SLC28A1: variants seen among roughly 807,000 people sequenced by gnomAD.
SLC28A1 encodes the protein solute carrier family 28 member 1.
In SLC28A1, 64 loss-of-function variants were observed where a neutral mutation model predicts 74.8. That is an observed-to-expected ratio of 0.86 (90% CI 0.70 to 1.05). The LOEUF (loss-of-function observed/expected upper bound fraction) is 1.05. SLC28A1 is among the 50% of genes least tolerant of loss of function. SLC28A1 has a pLI of 0.00. For synonymous variants in SLC28A1, 359 were observed against 335.0 expected, an observed-to-expected ratio of 1.07 and a Z score of -0.78; for missense variants, 828 against 822.8, an observed-to-expected ratio of 1.01 and a Z score of -0.08.
intron 9 of SLC28A1, among the ~76,000 whole-genome samples, chr15:84,915,234 C>T (rs1215880711): frequency 6.6e-6 from 1 of 152,164 alleles, no homozygotes; most frequent in Non-Finnish European, 1.5e-5. Flanking sequence ...GTGACTTCCC[C>T]ACCACAGGGA....
At chr15:84,922,111 AC>A (rs1567163155) in intron 11 of SLC28A1, among the ~76,000 whole-genome samples, 1 of 152,034 alleles carries the variant, frequency 6.6e-6, no homozygotes, top group Non-Finnish European at 1.5e-5. Context: ...GAACCTCTCT[AC>A]TTGTGGCAGG....
chr15:84,923,390 T>G (rs1279766399), intron 11 of SLC28A1, among the ~76,000 whole-genome samples: 3 of 150,950 alleles, frequency 2.0e-5, no homozygotes, highest in African/African-American at 7.4e-5. Context: ...ATAAGCCCTA[T>G]GAAGGCAGGG....
chr15:84,889,925 T>G (rs1216628001), intron 4 of SLC28A1, among the ~76,000 whole-genome samples: 2 of 151,486 alleles, frequency 1.3e-5, no homozygotes, highest in South Asian at 4.2e-4. Flanking sequence ...CACGAACCCT[T>G]CCTGGGCTCA....
chr15:84,893,699 T>C (rs1324395600), intron 5 of SLC28A1, among the ~76,000 whole-genome samples: 7 of 152,068 alleles, frequency 4.6e-5, no homozygotes, highest in Non-Finnish European at 1.0e-4. Context: ...CTCATTCTGG[T>C]CTCCCGCCTC....
chr15:84,901,145 G>A (rs1013755838), intron 6 of SLC28A1, among the ~76,000 whole-genome samples: 8 of 152,074 alleles, frequency 5.3e-5, no homozygotes, highest in Non-Finnish European at 1.2e-4. Flanking sequence ...TCGCTTGAAC[G>A]TGGGAGGCAG....
Position 84,935,402 on chromosome 15 carries a change from C to G in SLC28A1, c.1465C>G (p.Leu489Val), listed in dbSNP as rs1247236891. The G allele has an allele frequency of 1.9e-6, 3 of 1,614,226 alleles. No individual in the cohort carries two copies. In the East Asian group the frequency reaches 6.7e-5, roughly 36 times the overall value. ...GGACTGCCCAGTGGTAGCTGAGCTG[C>G]TGGGGATCAAGCTGTTTCTGAACGA... ...WEDCPVVAEL[L>V]GIKLFLNEFV... Residue 489 changes from leucine (L) to valine (V), a missense_variant, in exon 15 of 19, where the codon CTG becomes GTG. By Grantham distance (32) the Leu-to-Val change is conservative. Coordinates refer to ENST00000394573, the MANE Select transcript of SLC28A1 (RefSeq NM_004213.5).
chr15:84,912,872 T>C (rs983146345), intron 9 of SLC28A1, among the ~76,000 whole-genome samples: 1 of 149,294 alleles, frequency 6.7e-6, no homozygotes, highest in Non-Finnish European at 1.5e-5. Context: ...CCAAAAGGTA[T>C]CATTGGATTT....
intron 1 of SLC28A1, among the ~76,000 whole-genome samples, chr15:84,885,417 A>G (rs540176062): frequency 6.6e-6 from 1 of 151,954 alleles, no homozygotes; most frequent in East Asian, 1.9e-4. Context: ...AACATAAAAT[A>G]ACATACATTT....
the SLC28A1 span, among the ~76,000 whole-genome samples, chr15:84,969,310 T>C: frequency 6.6e-6 from 1 of 152,172 alleles, no homozygotes; most frequent in Non-Finnish European, 1.5e-5. Context: ...CTACCAAAGA[T>C]AGGCCAGAAA....
the SLC28A1 span, among the ~76,000 whole-genome samples, chr15:84,973,886 C>T: frequency 1.3e-5 from 2 of 152,148 alleles, no homozygotes; most frequent in Non-Finnish European, 2.9e-5. Context: ...TTGACTTTTC[C>T]AGCCGCACCA....
At chr15:84,904,039 TG>T in intron 6 of SLC28A1, 57 bp from the exon 7 acceptor site, 1 of 1,611,712 alleles carries the variant, frequency 6.2e-7, no homozygotes. Flanking sequence ...TGCTATTGTG[TG>T]TGGGTGGGGT....
At chr15:84,889,638 CTTTTCTTTTCCT>C (rs1483853761) in intron 4 of SLC28A1, among the ~76,000 whole-genome samples, 6 of 151,816 alleles carry the variant, frequency 4.0e-5, no homozygotes, top group Non-Finnish European at 7.4e-5. Flanking sequence ...TTTTTCTTTT[CTTTTCTTTTCCT>C]TTTTCTTTTC....
chr15:84,952,447 T>C, the SLC28A1 span, among the ~76,000 whole-genome samples: 2 of 152,210 alleles, frequency 1.3e-5, no homozygotes, highest in African/African-American at 4.8e-5. Flanking sequence ...TTGCATCCAA[T>C]GACTCCATGT....
chr15:84,887,484 G>A (rs1202839966), intron 2 of SLC28A1: 2 of 978,498 alleles, frequency 2.0e-6, no homozygotes, highest in Middle Eastern at 5.2e-4. Context: ...AGGAGTTGGA[G>A]GCCAGCCTGT....
In SLC28A1 at chr15:84,944,999, G is replaced by A. The variant is rs1269146562; in HGVS notation, c.1875-126G>A. ...GGCTGCAGCTAATGGGGAGGTGAAGGCTCGAGGACCAATGGAGGAAGGGTG... is the reference window on the plus strand; with the variant it reads ...GGCTGCAGCTAATGGGGAGGTGAAGACTCGAGGACCAATGGAGGAAGGGTG... On this transcript the variant is annotated intron_variant, in intron 18 of 18. Transcript: ENST00000394573. 1.3e-5 allele frequency: 14 copies of A among 1,092,148 alleles called. No homozygotes were observed. The African/African-American group carries it at 1.9e-4, about 14-fold the overall frequency. The allele number at this position is 1,092,148 out of a possible 1,614,324, so 67.7% of individuals were successfully genotyped here.
At chr15:84,933,005 AG>A in intron 12 of SLC28A1, 139 bp from the exon 13 acceptor site, 1 of 765,210 alleles carries the variant, frequency 1.3e-6, no homozygotes, top group East Asian at 2.8e-5. Context: ...TATTATTATT[AG>A]TGATGACAGC....
At chr15:84,908,001 C>T (rs746039989) in intron 8 of SLC28A1, among the ~76,000 whole-genome samples, 3 of 152,146 alleles carry the variant, frequency 2.0e-5, no homozygotes, top group Non-Finnish European at 2.9e-5. Flanking sequence ...CCTGTAGAAG[C>T]ATGGCTGGGC....
chr15:84,886,727 T>C lies in SLC28A1; in HGVS notation c.-77T>C, dbSNP rs1596178860. ...GAGCCAAAGCAGGTTGGACCCAGCT[T>C]GTCCCCACAGAGACGTGTGCTTCCC... On this transcript the variant is annotated 5_prime_UTR_variant, in exon 2 of 19. Transcript: ENST00000394573. 2.0e-6 allele frequency: 2 copies of C among 985,502 alleles called. No homozygotes were observed. Among genetic ancestry groups the C allele is most frequent in the Non-Finnish European group, 2.4e-6 (2 of 829,958 alleles). 61.0% of individuals were successfully genotyped at this position (985,502 alleles called of 1,614,324 possible). A position where few individuals can be genotyped will look rare whatever the true frequency, so the allele number is the denominator to read the frequency against.
At chr15:84,929,270 C>T (rs527802099) in intron 12 of SLC28A1, among the ~76,000 whole-genome samples, 7 of 152,120 alleles carry the variant, frequency 4.6e-5, no homozygotes, top group Admixed American at 2.6e-4. Flanking sequence ...TATGGCCGGG[C>T]GCGGTGGCTC....
Sources: gnomAD v4.1 joint callset for allele counts (sites outside exome capture counted in the v4.1 genomes callset) on GRCh38, gnomAD v4.1.1 for gene constraint, MANE v1.5 for transcripts, NCBI Gene and HGNC (gene_info 2026-07-23, HGNC 2026-07-21) for gene names.